IGFBP5: variants seen among roughly 807,000 people sequenced by gnomAD.
IGFBP5 encodes the protein insulin-like growth factor-binding protein 5.
IGFBP5 carries 12 observed loss-of-function variants against 28.0 expected under a neutral mutation model. The ratio of observed to expected loss-of-function variants is 0.43; its 90% CI spans 0.27 to 0.69. The LOEUF is 0.69. IGFBP5 is among the 30% of genes least tolerant of loss of function. The probability of loss-of-function intolerance (pLI) is 0.20; values close to 1 mark genes in which losing one functional copy is unlikely to be tolerated. For missense variants in IGFBP5, 344 were observed against 381.6 expected, an observed-to-expected ratio of 0.90 and a Z score of 0.82; for synonymous variants, 152 against 150.2, an observed-to-expected ratio of 1.01 and a Z score of -0.09.
intron 1 of IGFBP5, among the ~76,000 whole-genome samples, chr2:216,684,878 C>A (rs1254155985): frequency 6.6e-6 from 1 of 152,222 alleles, no homozygotes; most frequent in Admixed American, 6.5e-5. Context: ...AGCAAGATAA[C>A]CCTGCCGCAG....
intron 1 of IGFBP5, among the ~76,000 whole-genome samples, chr2:216,685,918 C>A (rs1270952057): frequency 6.6e-6 from 1 of 150,896 alleles, no homozygotes; most frequent in Admixed American, 6.6e-5. Context: ...TTTACTTGAT[C>A]GTCAGAAATA....
At chr2:216,693,231 G>T (rs963472172) in intron 1 of IGFBP5, among the ~76,000 whole-genome samples, 1 of 151,582 alleles carries the variant, frequency 6.6e-6, no homozygotes, top group Non-Finnish European at 1.5e-5. Flanking sequence ...TGTTCTGATT[G>T]AACAAGTAGC....
At chr2:216,685,334 A>C (rs559067953) in intron 1 of IGFBP5, among the ~76,000 whole-genome samples, 1 of 152,228 alleles carries the variant, frequency 6.6e-6, no homozygotes, top group South Asian at 2.1e-4. Context: ...TATTTAAATA[A>C]ATATTAAATA....
rs773916566 is a variant in IGFBP5 at position 216,676,715 on chromosome 2, T to A, written c.*36A>T. On this transcript the variant is annotated 3_prime_UTR_variant, in exon 4 of 4. Transcript: ENST00000233813. Reference sequence around the variant, plus strand: ...CGCTGGCTGGAGTCGGGGCTGGGGGTGGGAGGGGGTGAGGGAAAGGTTGGG... The same window carrying A: ...CGCTGGCTGGAGTCGGGGCTGGGGGAGGGAGGGGGTGAGGGAAAGGTTGGG... 4.7e-6 allele frequency: 4 copies of A among 847,868 alleles called. No individual in the cohort carries two copies. Among genetic ancestry groups the A allele is most frequent in the African/African-American group, 7.9e-5 (2 of 25,414 alleles). 52.5% of individuals were successfully genotyped at this position (847,868 alleles called of 1,614,324 possible).
intron 1 of IGFBP5, among the ~76,000 whole-genome samples, chr2:216,687,774 GAC>G (rs773996438): frequency 5.3e-5 from 8 of 151,894 alleles, no homozygotes; most frequent in Non-Finnish European, 1.2e-4. Flanking sequence ...TTCCCATCAT[GAC>G]CCATCACAGC....
chr2:216,693,818 A>T (rs11575127), intron 1 of IGFBP5, among the ~76,000 whole-genome samples: 7,796 of 152,052 alleles, frequency 0.051, 408 homozygotes, highest in Admixed American at 0.11. Flanking sequence ...GGTTATGCAC[A>T]TGGGAGGGGC....
At chr2:216,684,642 C>T (rs886398065) in intron 1 of IGFBP5, among the ~76,000 whole-genome samples, 2 of 152,198 alleles carry the variant, frequency 1.3e-5, no homozygotes, top group Non-Finnish European at 2.9e-5. Context: ...TCATTCTAGT[C>T]CCCCCTGTGG....
intron 1 of IGFBP5, among the ~76,000 whole-genome samples, chr2:216,690,574 C>T (rs1689083360): frequency 6.6e-6 from 1 of 152,176 alleles, no homozygotes; most frequent in Admixed American, 6.5e-5. Context: ...CTGTAACCCT[C>T]ACGATGACCT....
chr2:216,694,471 T>A lies in IGFBP5; in HGVS notation c.305A>T (p.Asn102Ile). ...ALLHGRGVCLNEKSYREQVKI... is the reference protein window; with the variant it reads ...ALLHGRGVCLIEKSYREQVKI... ...GACTTGCTCGCGGTAGCTCTTTTCGTTGAGGCAAACCCCGCGGCCGTGCAG... is the reference window on the plus strand; with the variant it reads ...GACTTGCTCGCGGTAGCTCTTTTCGATGAGGCAAACCCCGCGGCCGTGCAG... The change falls in exon 1 of 4, where the codon AAC becomes ATC. Residue 102 changes from asparagine to isoleucine, a missense_variant. By Grantham distance (149) the Asn-to-Ile change is moderately radical. Transcript: ENST00000233813. This position sits in a 1 kb window ranked among gnomAD's most constrained non-coding sequence, Gnocchi z 5.2. 6.3e-7 allele frequency: 1 copy of A among 1,584,576 alleles called. No individual in the cohort carries two copies. Among genetic ancestry groups the A allele is most frequent in the Non-Finnish European group, 8.6e-7 (1 of 1,169,390 alleles).
In IGFBP5 at chr2:216,676,850, G is replaced by A; in HGVS notation, c.720C>T (p.Ile240=). ...TCCCGTACTTGTCCACGCACCAGCA[G>A]ATGCCACGTTTGCGGCCACGGGAAG... The part of the protein sequence containing the change: ...CKPSRGRKRG[I]CWCVDKYGMK... Residue 240 remains isoleucine (I), a synonymous_variant, in exon 4 of 4, where the codon ATC becomes ATT. Coordinates refer to ENST00000233813, the MANE Select transcript of IGFBP5 (RefSeq NM_000599.4). 6.2e-7 allele frequency: 1 copy of A among 1,614,070 alleles called. No individual in the cohort carries two copies. Among genetic ancestry groups the A allele is most frequent in the Non-Finnish European group, 8.5e-7 (1 of 1,179,970 alleles).
chr2:216,681,960 A>G (rs1200286723), intron 1 of IGFBP5, among the ~76,000 whole-genome samples: 1 of 152,120 alleles, frequency 6.6e-6, no homozygotes, highest in Non-Finnish European at 1.5e-5. Context: ...CTTTTCTTTG[A>G]AAGTGTTCAA....
intron 2 of IGFBP5, 140 bp from the exon 3 acceptor site, chr2:216,678,371 A>C: frequency 4.5e-6 from 4 of 887,742 alleles, no homozygotes; most frequent in Non-Finnish European, 6.4e-6. Flanking sequence ...CTGCTACCAA[A>C]GATCTTTCCT....
At chr2:216,677,725 C>T (rs1404913420) in intron 3 of IGFBP5, among the ~76,000 whole-genome samples, 1 of 152,138 alleles carries the variant, frequency 6.6e-6, no homozygotes, top group Non-Finnish European at 1.5e-5. Flanking sequence ...GAACCATTGC[C>T]CAAAGGAGAG....
At chr2:216,685,270 C>CAA (rs112350608) in intron 1 of IGFBP5, among the ~76,000 whole-genome samples, 6 of 87,266 alleles carry the variant, frequency 6.9e-5, no homozygotes, top group South Asian at 3.5e-4. Context: ...AATAGTGTGA[C>CAA]AAAAAAAAAA....
rs764832698 is a variant in IGFBP5, at chr2:216,695,073, C to T, written c.-298G>A. 3 of 303,272 alleles carry T rather than the reference C, an allele frequency of 9.9e-6. No individual in the cohort carries two copies. The highest frequency in any genetic ancestry group is 1.0e-4 in the Admixed American group (2 of 19,766). 18.8% of individuals were successfully genotyped at this position (303,272 alleles called of 1,614,324 possible). On this transcript the variant is annotated 5_prime_UTR_variant, in exon 1 of 4. Coordinates refer to ENST00000233813, the MANE Select transcript of IGFBP5 (RefSeq NM_000599.4). ...GGCCGGAGAAACCCTCAAGCCTGAG[C>T]GGGTCAGAATTATAGGGGAAAAAAA...
chr2:216,684,147 A>G (rs1229773854), intron 1 of IGFBP5, among the ~76,000 whole-genome samples: 1 of 152,208 alleles, frequency 6.6e-6, no homozygotes, highest in Non-Finnish European at 1.5e-5. Context: ...GCACAATTGC[A>G]CAACGCATGT....
At chr2:216,684,175 C>A (rs983223825) in intron 1 of IGFBP5, among the ~76,000 whole-genome samples, 1 of 152,218 alleles carries the variant, frequency 6.6e-6, no homozygotes, top group Admixed American at 6.5e-5. Context: ...CCAAGCTCAA[C>A]CACTTTCTCC....
At chr2:216,688,417 G>A (rs1186161637) in intron 1 of IGFBP5, among the ~76,000 whole-genome samples, 4 of 152,132 alleles carry the variant, frequency 2.6e-5, no homozygotes, top group Admixed American at 6.5e-5. Context: ...GGATATTTTG[G>A]ATATATTCAG....
chr2:216,678,489 T>A (rs554175743), intron 2 of IGFBP5, among the ~76,000 whole-genome samples: 41 of 152,348 alleles, frequency 2.7e-4, no homozygotes, highest in African/African-American at 9.6e-4. Context: ...CCTGCAGCTT[T>A]TCTCTTCTGC....
Sources: gnomAD v4.1 joint callset for allele counts (sites outside exome capture counted in the v4.1 genomes callset) on GRCh38, gnomAD v4.1.1 for gene constraint, Gnocchi (gnomAD v3.1) non-coding constraint, MANE v1.5 for transcripts, NCBI Gene and HGNC (gene_info 2026-07-23, HGNC 2026-07-21) for gene names.